SEMA6D: variants seen among roughly 807,000 people sequenced by gnomAD.
The protein encoded by SEMA6D is semaphorin 6D.
A neutral mutation model predicts 106.6 loss-of-function variants in SEMA6D; 35 were observed. That is an observed-to-expected ratio of 0.33 (90% CI 0.25 to 0.44). SEMA6D has a LOEUF of 0.44. SEMA6D is among the 20% of genes least tolerant of loss of function. SEMA6D has a pLI of 1.00. For missense variants in SEMA6D, 1,185 were observed against 1,345.9 expected (o/e 0.88, Z 1.87); for synonymous variants, 499 against 487.7 (o/e 1.02, Z -0.31).
chr15:47,234,865 G>A (rs555385446), intron 1 of SEMA6D, among the ~76,000 whole-genome samples: 2 of 152,204 alleles, frequency 1.3e-5, no homozygotes, highest in South Asian at 2.1e-4. Flanking sequence ...TAGATACCCA[G>A]TAGTGGGATT....
At chr15:47,350,143 T>G (rs915851160) in intron 1 of SEMA6D, among the ~76,000 whole-genome samples, 3 of 152,230 alleles carry the variant, frequency 2.0e-5, no homozygotes, top group African/African-American at 7.2e-5. Context: ...CAAATCAAAT[T>G]TCTACTAATT....
At chr15:47,554,347 CAG>C (rs2045855179) in intron 3 of SEMA6D, among the ~76,000 whole-genome samples, 1 of 152,142 alleles carries the variant, frequency 6.6e-6, no homozygotes, top group South Asian at 2.1e-4. Context: ...CTGGAGAAGA[CAG>C]GGAACAAGAC....
chr15:47,221,700 G>A (rs545013655), intron 1 of SEMA6D, among the ~76,000 whole-genome samples: 3 of 152,240 alleles, frequency 2.0e-5, no homozygotes, highest in East Asian at 3.9e-4. Context: ...TATCGCAGAT[G>A]TTTTCATGTC....
At chr15:47,186,892 G>A (rs920531806) in intron 1 of SEMA6D, among the ~76,000 whole-genome samples, 1 of 152,020 alleles carries the variant, frequency 6.6e-6, no homozygotes, top group African/African-American at 2.4e-5. Flanking sequence ...TAATTATTTT[G>A]GTCTCATTTG....
intron 1 of SEMA6D, among the ~76,000 whole-genome samples, chr15:47,195,276 G>A (rs1488259658): frequency 6.6e-6 from 1 of 152,112 alleles, no homozygotes; most frequent in African/African-American, 2.4e-5. Context: ...TGTGCTGTGT[G>A]AAGACCCCAG....
At chr15:47,364,469 A>C (rs1237342508) in intron 1 of SEMA6D, among the ~76,000 whole-genome samples, 6 of 152,202 alleles carry the variant, frequency 3.9e-5, no homozygotes, top group African/African-American at 1.4e-4. Context: ...GGACCTGCTC[A>C]GGGTCAACAT....
chr15:47,227,756 C>T (rs907966622), intron 1 of SEMA6D, among the ~76,000 whole-genome samples: 1 of 150,278 alleles, frequency 6.7e-6, no homozygotes, highest in Non-Finnish European at 1.5e-5. Context: ...TACTTTGCAA[C>T]CTTCTTTTCT....
rs1307749408 is a variant in SEMA6D, at chr15:47,295,464, A to G, written c.-239+111046A>G. On this transcript the variant is annotated intron_variant, in intron 1 of 19. Transcript: ENST00000558014. ...TTGGTCCTTTTCAAGGCCTAATTTT[A>G]CTGTGAGTTTATAGGACCAAACTTC... is the stretch of plus-strand genomic sequence containing the variant. 2.6e-5 allele frequency among the ~76,000 whole-genome samples: 4 copies of G among 152,188 alleles called. No homozygotes were observed. In the East Asian group the frequency reaches 7.7e-4, roughly 29 times the overall value.
chr15:47,363,097 C>T (rs562904267), intron 1 of SEMA6D, among the ~76,000 whole-genome samples: 36 of 151,952 alleles, frequency 2.4e-4, no homozygotes, highest in Non-Finnish European at 5.1e-4. Flanking sequence ...AGAAACTGTT[C>T]TATGAAGTTG....
At chr15:47,469,109 G>A (rs1413811225) in intron 2 of SEMA6D, among the ~76,000 whole-genome samples, 1 of 152,182 alleles carries the variant, frequency 6.6e-6, no homozygotes, top group Non-Finnish European at 1.5e-5. Flanking sequence ...GGAGCTGTCT[G>A]CCCAGAGGAA....
At chr15:47,478,238 T>G (rs2043053621) in intron 3 of SEMA6D, among the ~76,000 whole-genome samples, 1 of 152,216 alleles carries the variant, frequency 6.6e-6, no homozygotes, top group African/African-American at 2.4e-5. Context: ...AATGTGAATG[T>G]GCTTGGTTTG....
chr15:47,293,060 C>G (rs1045785127), intron 1 of SEMA6D, among the ~76,000 whole-genome samples: 2 of 152,138 alleles, frequency 1.3e-5, no homozygotes, highest in African/African-American at 4.8e-5. Context: ...TAGAATGACT[C>G]AATTCTTGGA....
intron 4 of SEMA6D, among the ~76,000 whole-genome samples, chr15:47,620,337 C>T (rs530828867): frequency 6.6e-6 from 1 of 152,280 alleles, no homozygotes; most frequent in South Asian, 2.1e-4. Context: ...AGGGCATGTG[C>T]CCAGGCTCCT....
At chr15:47,670,283 T>C (rs538810753) in intron 4 of SEMA6D, among the ~76,000 whole-genome samples, 1 of 152,330 alleles carries the variant, frequency 6.6e-6, no homozygotes, top group East Asian at 1.9e-4. Context: ...TGAATAGTAA[T>C]GTGTTCTTCA....
rs535441983 is a variant in SEMA6D at position 47,247,171 on chromosome 15, G to A, written c.-239+62753G>A. On this transcript the variant is annotated intron_variant, in intron 1 of 19. Coordinates refer to the SEMA6D transcript ENST00000558014. ...GTATCATCTAACTAGGTCAAGGGCT[G>A]TTAGACCTGAAACGACTAATAAGAG... 2.6e-5 allele frequency among the ~76,000 whole-genome samples: 4 copies of A among 152,256 alleles called. No homozygotes were observed. The East Asian group carries it at 7.7e-4, about 29-fold the overall frequency.
chr15:47,474,094 G>A lies in SEMA6D; in HGVS notation c.-87+3549G>A, dbSNP rs145502320. ...CCTAGCTGGCTGGACCTTGGAAGGT[G>A]GCCTCTTTTCCCTTTGGCTCATGAA... is the stretch of plus-strand genomic sequence containing the variant. On this transcript the variant is annotated intron_variant, in intron 3 of 19. Transcript: ENST00000558014. Among the ~76,000 whole-genome samples the A allele has an allele frequency of 7.7e-3, 1,165 of 152,266 alleles. 10 individuals carry two copies. Among genetic ancestry groups the A allele is most frequent in the Middle Eastern group, 0.058 (17 of 294 alleles).
intron 3 of SEMA6D, among the ~76,000 whole-genome samples, chr15:47,471,784 T>C (rs2042846534): frequency 6.6e-6 from 1 of 152,122 alleles, no homozygotes; most frequent in African/African-American, 2.4e-5. Context: ...GCGAGGCATG[T>C]CTATGAAAGA....
chr15:47,567,096 A>G (rs779412389), intron 3 of SEMA6D, among the ~76,000 whole-genome samples: 7 of 152,244 alleles, frequency 4.6e-5, no homozygotes, highest in South Asian at 4.1e-4. Flanking sequence ...ATGAAAGAAT[A>G]TAGGCAGGTC....
intron 2 of SEMA6D, among the ~76,000 whole-genome samples, chr15:47,450,275 A>G (rs1004360605): frequency 6.6e-6 from 1 of 152,124 alleles, no homozygotes; most frequent in Admixed American, 6.6e-5. Flanking sequence ...CTTTTCGTGC[A>G]TTCATTCCAG....
Sources: allele counts gnomAD v4.1 joint callset (sites outside exome capture counted in the v4.1 genomes callset), GRCh38; gene constraint gnomAD v4.1.1; transcripts MANE v1.5; gene names NCBI Gene and HGNC (gene_info 2026-07-23, HGNC 2026-07-21).